PLEKHB2: variants seen among roughly 807,000 people sequenced by gnomAD.
PLEKHB2 encodes pleckstrin homology domain containing B2.
In PLEKHB2, 31 loss-of-function variants were observed where a neutral mutation model predicts 36.5. That is an observed-to-expected ratio of 0.85 (90% CI 0.64 to 1.15). The LOEUF is 1.15. Ranked by LOEUF, PLEKHB2 falls within the 50% of genes most tolerant of loss-of-function variation. The probability of loss-of-function intolerance (pLI) is 0.00; values close to 1 mark genes in which losing one functional copy is unlikely to be tolerated. For missense variants in PLEKHB2, 262 were observed against 295.3 expected (o/e 0.89, Z 0.83); for synonymous variants, 119 against 112.0 (o/e 1.06, Z -0.39).
intron 1 of PLEKHB2, among the ~76,000 whole-genome samples, 163 bp downstream of exon 1, chr2:131,105,561 C>T (rs1394053372): frequency 1.3e-5 from 2 of 152,148 alleles, no homozygotes; most frequent in Non-Finnish European, 2.9e-5. Flanking sequence ...CCTGAGGCTC[C>T]TGGCCACGGG....
At chr2:131,136,479 T>C (rs1472250218) in intron 6 of PLEKHB2, among the ~76,000 whole-genome samples, 2 of 151,650 alleles carry the variant, frequency 1.3e-5, no homozygotes, top group Admixed American at 6.6e-5. Context: ...CAAAGTGATT[T>C]TGTTAAATAC....
chr2:131,134,019 C>G (rs1697983423), intron 6 of PLEKHB2, among the ~76,000 whole-genome samples: 2 of 151,824 alleles, frequency 1.3e-5, no homozygotes, highest in South Asian at 2.1e-4. Context: ...CCTGCCTCAG[C>G]CTCCCGAGTA....
intron 7 of PLEKHB2, chr2:131,144,328 C>A: frequency 1.9e-6 from 1 of 539,558 alleles, no homozygotes; most frequent in Non-Finnish European, 2.8e-6. Flanking sequence ...GGTGTTCGTT[C>A]GGCTCTCCTA....
intron 6 of PLEKHB2, among the ~76,000 whole-genome samples, chr2:131,138,709 G>A (rs568710885): frequency 1.2e-4 from 19 of 152,196 alleles, no homozygotes; most frequent in Admixed American, 2.6e-4. Flanking sequence ...TGCTTCCCCC[G>A]TAGCCTCCAC....
chr2:131,117,416 GAAAC>G (rs1035373482), intron 1 of PLEKHB2, among the ~76,000 whole-genome samples: 1 of 152,138 alleles, frequency 6.6e-6, no homozygotes, highest in African/African-American at 2.4e-5. Context: ...CACAAACAAA[GAAAC>G]AAACAAACCC....
At chr2:131,118,665 A>T (rs957549878) in intron 1 of PLEKHB2, among the ~76,000 whole-genome samples, 1 of 151,750 alleles carries the variant, frequency 6.6e-6, no homozygotes, top group Non-Finnish European at 1.5e-5. Context: ...GGAGATCGAG[A>T]CCATCCTGGC....
intron 1 of PLEKHB2, among the ~76,000 whole-genome samples, chr2:131,115,588 C>T (rs570180499): frequency 2.6e-5 from 4 of 151,956 alleles, no homozygotes; most frequent in African/African-American, 4.8e-5. Context: ...CTCTTGATCT[C>T]GTGATCCACC....
intron 5 of PLEKHB2, among the ~76,000 whole-genome samples, chr2:131,131,794 C>G (rs951709857): frequency 7.6e-6 from 1 of 132,356 alleles, no homozygotes; most frequent in African/African-American, 2.9e-5. Context: ...TTAGCATTAA[C>G]AATCCATACA....
At chr2:131,106,733 C>T (rs1694776639) in intron 1 of PLEKHB2, among the ~76,000 whole-genome samples, 1 of 152,118 alleles carries the variant, frequency 6.6e-6, no homozygotes, top group Non-Finnish European at 1.5e-5. Flanking sequence ...TGGTGGTGAT[C>T]TCTTTACTCG....
At chr2:131,139,402 T>C (rs1698563429) in intron 6 of PLEKHB2, among the ~76,000 whole-genome samples, 1 of 152,046 alleles carries the variant, frequency 6.6e-6, no homozygotes, top group South Asian at 2.1e-4. Context: ...GGGAGTCTTG[T>C]CTCCTGCTTT....
chr2:131,110,978 G>A (rs979389334), intron 1 of PLEKHB2, among the ~76,000 whole-genome samples: 13 of 151,830 alleles, frequency 8.6e-5, no homozygotes, highest in African/African-American at 2.9e-4. Flanking sequence ...TCTTTTCTCT[G>A]TGGTTTATTT....
At chr2:131,111,583 C>T (rs560189843) in intron 1 of PLEKHB2, among the ~76,000 whole-genome samples, 85 of 151,260 alleles carry the variant, frequency 5.6e-4, no homozygotes, top group African/African-American at 1.7e-3. Context: ...CTCCGCCTCC[C>T]GGGTTCACGC....
chr2:131,111,714 C>T (rs921777059), intron 1 of PLEKHB2, among the ~76,000 whole-genome samples: 3 of 152,034 alleles, frequency 2.0e-5, no homozygotes, highest in African/African-American at 7.2e-5. Flanking sequence ...TGGTCTCGAA[C>T]TCCTGACCTC....
At chr2:131,120,827 G>T in intron 1 of PLEKHB2, 107 bp from the exon 2 acceptor site, 2 of 1,116,938 alleles carry the variant, frequency 1.8e-6, no homozygotes, top group Non-Finnish European at 1.4e-6. Flanking sequence ...AAATGGCCTT[G>T]GGCCCTTCCT....
intron 7 of PLEKHB2, among the ~76,000 whole-genome samples, chr2:131,143,183 G>A (rs978113681): frequency 2.6e-5 from 4 of 152,162 alleles, no homozygotes; most frequent in Non-Finnish European, 4.4e-5. Context: ...TAGGTTAGGC[G>A]TATTAAATGC....
chr2:131,144,643 G>A (rs1699104694), intron 7 of PLEKHB2, among the ~76,000 whole-genome samples: 1 of 152,182 alleles, frequency 6.6e-6, no homozygotes, highest in Non-Finnish European at 1.5e-5. Flanking sequence ...GACCATTTAT[G>A]TAATATTAGT....
At chr2:131,112,407 T>A (rs1312627513) in intron 1 of PLEKHB2, among the ~76,000 whole-genome samples, 1 of 152,220 alleles carries the variant, frequency 6.6e-6, no homozygotes, top group Non-Finnish European at 1.5e-5. Flanking sequence ...TTACCTGAAT[T>A]TTGTGAGCTG....
At chr2:131,136,946 TTC>T (rs1272930576) in intron 6 of PLEKHB2, among the ~76,000 whole-genome samples, 22 of 149,938 alleles carry the variant, frequency 1.5e-4, no homozygotes, top group African/African-American at 5.0e-4. Flanking sequence ...TTTCTTTTCT[TTC>T]TTTTTTTTTT....
In PLEKHB2 at chr2:131,149,093, A is replaced by C. The variant is rs1482169539; in HGVS notation, c.*2320A>C. On this transcript the variant is annotated 3_prime_UTR_variant, in exon 8 of 8. Transcript: ENST00000693505. Reference sequence around the variant, plus strand: ...GTGTCCCCTCCCCAGTCCCCATCCTAGTGGGGCCAGTCTCATTAGGCAGCC... The same window carrying C: ...GTGTCCCCTCCCCAGTCCCCATCCTCGTGGGGCCAGTCTCATTAGGCAGCC... The C allele has an allele frequency of 2.6e-5, 4 of 152,144 alleles. No homozygotes were observed. Among genetic ancestry groups the C allele is most frequent in the African/African-American group, 9.7e-5 (4 of 41,418 alleles). 9.4% of individuals were successfully genotyped at this position (152,144 alleles called of 1,614,324 possible). A position where few individuals can be genotyped will look rare whatever the true frequency, so the allele number is the denominator to read the frequency against.
Sources: allele counts gnomAD v4.1 joint callset (sites outside exome capture counted in the v4.1 genomes callset), GRCh38; gene constraint gnomAD v4.1.1; transcripts MANE v1.5; gene names NCBI Gene and HGNC (gene_info 2026-07-23, HGNC 2026-07-21).